The following MYH14 variants were observed in gnomAD, a reference collection of about 807,000 sequenced individuals.
MYH14 encodes the protein myosin heavy chain 14.
Under a neutral mutation model 255.5 loss-of-function variants are expected in MYH14, and 123 were observed. The observed-to-expected ratio is 0.48, with a 90% CI of 0.42 to 0.56. MYH14 has a LOEUF of 0.56. MYH14 is among the 20% of genes least tolerant of loss of function. MYH14 has a pLI of 0.00. For missense variants in MYH14, 2,423 were observed against 2,802.3 expected (o/e 0.86, Z 3.06); for synonymous variants, 1,095 against 1,161.2 (o/e 0.94, Z 1.16).
At chr19:50,226,820 G>A (rs1414270820) in intron 7 of MYH14, 83 bp from the exon 8 acceptor site, 1 of 1,308,982 alleles carries the variant, frequency 7.6e-7, no homozygotes, top group Non-Finnish European at 1.1e-6. Flanking sequence ...TGGGAGCAGT[G>A]GGTGTGGGGT....
intron 16 of MYH14, 95 bp from the exon 17 acceptor site, chr19:50,255,125 C>G: frequency 1.3e-6 from 1 of 779,646 alleles, no homozygotes; most frequent in Non-Finnish European, 2.2e-6. Context: ...TTCTTCCTGC[C>G]ACCTCCTCTC....
At position 50,293,629 on chromosome 19, in the gene MYH14, A is replaced by T; in HGVS notation, c.5411A>T (p.Glu1804Val). The T allele has an allele frequency of 1.2e-6, 2 of 1,612,580 alleles. No individual in the cohort carries two copies. The highest frequency in any genetic ancestry group is 8.5e-7 in the Non-Finnish European group (1 of 1,179,280). The stretch of plus-strand genomic sequence containing the variant: ...CTGGGGCAGTTGGAGGAAGAGCTGG[A>T]GGAGGAGCAGAGCAACTCGGAGCTG... ...GRLGQLEEEL[E>V]EEQSNSELLN... The change falls in exon 39 of 43, where the codon GAG becomes GTG. Residue 1804 changes from glutamate (E) to valine (V), a missense_variant. Physicochemically the swap from Glu to Val is moderately radical, Grantham distance 121. Transcript: ENST00000642316. The surrounding 1 kb of genome is among the most constrained non-coding windows in gnomAD (Gnocchi z 4.1).
chr19:50,230,747 A>G lies in MYH14; in HGVS notation c.973+124A>G. On this transcript the variant is annotated intron_variant, in intron 9 of 42. Coordinates refer to ENST00000642316, the MANE Select transcript of MYH14 (RefSeq NM_001145809.2). This position sits in a 1 kb window ranked among gnomAD's most constrained non-coding sequence, Gnocchi z 4.7. ...AATATCCGTCAAACACCGACTTCGCATGAGGCTCCCGCAGCCCCTGCTCTC... is the reference window on the plus strand; with the variant it reads ...AATATCCGTCAAACACCGACTTCGCGTGAGGCTCCCGCAGCCCCTGCTCTC... The G allele has an allele frequency of 2.6e-6, 2 of 761,938 alleles. No individual in the cohort carries two copies. Among genetic ancestry groups the G allele is most frequent in the East Asian group, 2.7e-5 (1 of 36,920 alleles). The allele number at this position is 761,938 out of a possible 1,614,324, so 47.2% of individuals were successfully genotyped here. A position where few individuals can be genotyped will look rare whatever the true frequency, so the allele number is the denominator to read the frequency against.
Position 50,268,146 on chromosome 19 carries a change from C to A in MYH14, c.2827-15C>A. ...GCACTGCCTGCTGACCACTAACCTC[C>A]CACACACTCCCCAGCTGGAAGAGGA... On this transcript the variant is annotated splice_polypyrimidine_tract_variant and intron_variant, in intron 23 of 42. Transcript: ENST00000642316. 6.5e-7 allele frequency: 1 copy of A among 1,539,124 alleles called. No individual in the cohort carries two copies. Among genetic ancestry groups the A allele is most frequent in the Non-Finnish European group, 8.7e-7 (1 of 1,144,696 alleles).
chr19:50,208,626 G>A (rs2031977074), intron 1 of MYH14, among the ~76,000 whole-genome samples: 1 of 152,048 alleles, frequency 6.6e-6, no homozygotes, highest in African/African-American at 2.4e-5. Flanking sequence ...ATATAATACA[G>A]GCCAGATGTG....
chr19:50,244,100 C>T (rs1001037893), intron 10 of MYH14, 142 bp from the exon 11 acceptor site: 7 of 684,522 alleles, frequency 1.0e-5, no homozygotes, highest in African/African-American at 5.3e-5. Context: ...TGAGCTATCA[C>T]GCCCATCCCA....
At chr19:50,286,153 C>A in intron 33 of MYH14, 1 of 196,064 alleles carries the variant, frequency 5.1e-6, no homozygotes, top group Non-Finnish European at 1.0e-5. Context: ...TTGCCAATTA[C>A]TGTGTCTTAA....
At chr19:50,210,260 TA>T in intron 1 of MYH14, 102 bp from the exon 2 acceptor site, 1 of 1,120,398 alleles carries the variant, frequency 8.9e-7, no homozygotes. Context: ...AGAGGTCTGG[TA>T]AAGGAAGGCA....
chr19:50,296,378 C>T (rs902908351), intron 39 of MYH14, among the ~76,000 whole-genome samples: 3 of 151,932 alleles, frequency 2.0e-5, no homozygotes, highest in Admixed American at 1.3e-4. Flanking sequence ...AAGGCTAAGG[C>T]AGGAGGATTG....
chr19:50,208,463 C>A (rs1194570142), intron 1 of MYH14, among the ~76,000 whole-genome samples: 1 of 146,526 alleles, frequency 6.8e-6, no homozygotes, highest in African/African-American at 2.7e-5. Flanking sequence ...AACAAAAAAA[C>A]CCAACAAACC....
chr19:50,271,056 A>G (rs774551281), intron 24 of MYH14, among the ~76,000 whole-genome samples: 10 of 151,520 alleles, frequency 6.6e-5, no homozygotes, highest in Admixed American at 5.9e-4. Context: ...TGTGATTTCC[A>G]CAAGGATAGG....
intron 40 of MYH14, among the ~76,000 whole-genome samples, chr19:50,303,241 AT>A (rs956093728): frequency 2.7e-5 from 4 of 148,366 alleles, no homozygotes; most frequent in African/African-American, 5.0e-5. Flanking sequence ...CTGGGCTTTC[AT>A]TTTTTTTTTC....
intron 40 of MYH14, among the ~76,000 whole-genome samples, chr19:50,302,729 C>CCT (rs2036533923): frequency 6.6e-6 from 1 of 151,712 alleles, no homozygotes; most frequent in African/African-American, 2.4e-5. Context: ...GGAGAAACTG[C>CCT]GTCTCTACTA....
In MYH14 at chr19:50,309,744, G is replaced by C. The variant is rs1337213084; in HGVS notation, c.6065G>C (p.Gly2022Ala). The C allele has an allele frequency of 1.9e-6, 3 of 1,593,004 alleles. No individual in the cohort carries two copies. In the African/African-American group the frequency reaches 4.0e-5, roughly 21 times the overall value. The stretch of plus-strand genomic sequence containing the variant: ...GCAGAGGAAGCACAGCCTGGGTCTG[G>C]GCCATCCCCGGAGCCTGAGGGGTCC... ...EEAEEAQPGS[G>A]PSPEPEGSPP... Residue 2022 changes from glycine to alanine, a missense_variant, in exon 43 of 43, where the codon GGG (glycine) becomes GCG (alanine). By Grantham distance (60) the Gly-to-Ala change is moderately conservative (BLOSUM62 0). Around this residue, in one of 3 missense-constraint regions of MYH14, gnomAD observed 1,513 missense variants for 1,674.8 expected, o/e 0.90. Transcript: ENST00000642316.
At chr19:50,284,655 A>G (rs687692) in intron 33 of MYH14, 56,424 of 151,186 alleles carry the variant, frequency 0.37, 11,538 homozygotes, top group African/African-American at 0.55. Context: ...CTCCCAAAGC[A>G]CTGGGATTAC....
chr19:50,259,462 T>C (rs1434727922), intron 19 of MYH14, among the ~76,000 whole-genome samples, 197 bp downstream of exon 19: 1 of 152,228 alleles, frequency 6.6e-6, no homozygotes, highest in Non-Finnish European at 1.5e-5. Flanking sequence ...GATGCACTCC[T>C]GAGAGAAAGC....
intron 27 of MYH14, among the ~76,000 whole-genome samples, chr19:50,273,601 G>GGTGTGTGTGTGTGTGT (rs56095197): frequency 7.3e-6 from 1 of 137,476 alleles, no homozygotes; most frequent in African/African-American, 2.7e-5. Flanking sequence ...GAACATGGGG[G>GGTGTGTGTGTGTGTGT]GTGTGTGTGT....
chr19:50,268,508 ATT>A, intron 24 of MYH14, 141 bp downstream of exon 24: 1 of 939,796 alleles, frequency 1.1e-6, no homozygotes, highest in Non-Finnish European at 1.6e-6. Flanking sequence ...AAAAGAATAC[ATT>A]TTTGATTCAG....
intron 22 of MYH14, among the ~76,000 whole-genome samples, chr19:50,264,896 C>T (rs1312905574): frequency 1.3e-5 from 2 of 152,086 alleles, no homozygotes; most frequent in Admixed American, 6.5e-5. Context: ...ACTAGGTGTT[C>T]CCCCAGGGGG....
Sources: gnomAD v4.1 joint callset for allele counts (sites outside exome capture counted in the v4.1 genomes callset) on GRCh38, gnomAD v4.1.1 for gene constraint, gnomAD v4.1.1 regional missense constraint, Gnocchi (gnomAD v3.1) non-coding constraint, MANE v1.5 for transcripts, NCBI Gene and HGNC (gene_info 2026-07-23, HGNC 2026-07-21) for gene names.